Variants in NXN observed in about 807,000 individuals in gnomAD.
The protein encoded by NXN is nucleoredoxin 1.
In NXN, 16 loss-of-function variants were observed where a neutral mutation model predicts 48.6. The observed-to-expected ratio is 0.33, with a 90% confidence interval of 0.22 to 0.50. The LOEUF (loss-of-function observed/expected upper bound fraction) is 0.50, where lower values mean the gene tolerates loss of function less well. Among genes scored for constraint, NXN ranks in the 20% least tolerant of loss-of-function variants. NXN has a pLI of 0.98. For synonymous variants in NXN, 281 were observed against 269.6 expected (o/e 1.04, Z -0.41); for missense variants, 492 against 605.5 (o/e 0.81, Z 1.97).
At chr17:894,759 G>T (rs2068458048) in intron 1 of NXN, among the ~76,000 whole-genome samples, 1 of 152,220 alleles carries the variant, frequency 6.6e-6, no homozygotes, top group Non-Finnish European at 1.5e-5. Flanking sequence ...AGACATGACG[G>T]AGGCGCCCCA....
intron 1 of NXN, among the ~76,000 whole-genome samples, chr17:847,031 A>G (rs555939648): frequency 6.6e-6 from 1 of 152,260 alleles, no homozygotes; most frequent in South Asian, 2.1e-4. Context: ...ATGCTATTAT[A>G]AATTCCAAGT....
At chr17:951,174 TTAAAAAAAAAA>T (rs1302433516) in intron 1 of NXN, among the ~76,000 whole-genome samples, 5 of 67,532 alleles carry the variant, frequency 7.4e-5, no homozygotes, top group South Asian at 6.0e-4. Flanking sequence ...CTGTCTCTAC[TTAAAAAAAAAA>T]AAAAAAAAAA....
At chr17:889,568 C>G (rs1403545258) in intron 1 of NXN, among the ~76,000 whole-genome samples, 4 of 151,968 alleles carry the variant, frequency 2.6e-5, no homozygotes, top group Non-Finnish European at 5.9e-5. Context: ...GTGGCGTGTG[C>G]CTGTAATCCC....
intron 1 of NXN, among the ~76,000 whole-genome samples, chr17:839,816 G>GAAAAAAAAAAAAAAAAAAAAAAAAA: frequency 1.4e-5 from 1 of 70,288 alleles, no homozygotes; most frequent in African/African-American, 7.6e-5. Context: ...AAAAAAAAAG[G>GAAAAAAAAAAAAAAAAAAAAAAAAA]CCAGGCACGG....
intron 1 of NXN, among the ~76,000 whole-genome samples, chr17:846,413 C>CA (rs757262418): frequency 0.17 from 10,714 of 62,256 alleles, 642 homozygotes; most frequent in Admixed American, 0.32. Flanking sequence ...GAAATTGTCT[C>CA]AAAAAAAAAA....
At chr17:910,976 C>G (rs1161230569) in intron 1 of NXN, 1 of 152,148 alleles carries the variant, frequency 6.6e-6, no homozygotes, top group Non-Finnish European at 1.5e-5. Context: ...CCTTCCTGCT[C>G]TAGCTTATCT....
intron 1 of NXN, among the ~76,000 whole-genome samples, 185 bp downstream of exon 1, chr17:979,134 C>A (rs1215486677): frequency 5.1e-4 from 35 of 68,576 alleles, no homozygotes; most frequent in Admixed American, 3.3e-3. Context: ...GCGGGGACGG[C>A]GGGGTGGGGG....
chr17:927,333 G>A (rs763281296), intron 1 of NXN, among the ~76,000 whole-genome samples: 2 of 151,714 alleles, frequency 1.3e-5, no homozygotes, highest in Admixed American at 6.6e-5. Flanking sequence ...TTAGGACTGG[G>A]TGCTGTGGCT....
At chr17:875,326 C>A (rs2068202541) in intron 1 of NXN, among the ~76,000 whole-genome samples, 1 of 152,084 alleles carries the variant, frequency 6.6e-6, no homozygotes, top group Non-Finnish European at 1.5e-5. Context: ...GCCACCATGC[C>A]GGGTGCTATA....
At chr17:930,774 C>CTT (rs66910992) in intron 1 of NXN, among the ~76,000 whole-genome samples, 56 of 142,396 alleles carry the variant, frequency 3.9e-4, no homozygotes, top group East Asian at 3.0e-3. Context: ...GTTGAGTTTG[C>CTT]TTTTTTTTTT....
chr17:907,421 G>A (rs2068591398), intron 1 of NXN, among the ~76,000 whole-genome samples: 1 of 151,194 alleles, frequency 6.6e-6, no homozygotes, highest in Admixed American at 6.6e-5. Context: ...CTCACTGCAA[G>A]CTCCGCCTCC....
intron 1 of NXN, among the ~76,000 whole-genome samples, chr17:888,758 C>T (rs1234105747): frequency 6.6e-6 from 1 of 151,650 alleles, no homozygotes; most frequent in African/African-American, 2.4e-5. Flanking sequence ...AGTTCGAGAC[C>T]AGCCTGACCA....
intron 1 of NXN, among the ~76,000 whole-genome samples, chr17:907,138 C>T (rs1247845361): frequency 4.4e-5 from 5 of 113,840 alleles, no homozygotes; most frequent in African/African-American, 1.0e-4. Flanking sequence ...TTTGGGGGGG[C>T]GGGGGAGGGT....
rs536305304 is a variant in NXN, at chr17:946,403, G to A, written c.360+32916C>T. On this transcript the variant is annotated intron_variant, in intron 1 of 7. Coordinates refer to ENST00000336868, the MANE Select transcript of NXN (RefSeq NM_022463.5). ...AGGATGGTCTTGATCTCTTGACCTCGTGATCCGCCCGCCTAGGCCTCCCAA... is the reference window on the plus strand; with the variant it reads ...AGGATGGTCTTGATCTCTTGACCTCATGATCCGCCCGCCTAGGCCTCCCAA... Among the ~76,000 whole-genome samples, 1,004 of 152,214 alleles carry A rather than the reference G, an allele frequency of 6.6e-3. 6 individuals are homozygous for A. Among genetic ancestry groups the A allele is most frequent in the Middle Eastern group, 0.017 (5 of 294 alleles).
chr17:948,837 C>T (rs1167281470), intron 1 of NXN, among the ~76,000 whole-genome samples: 1 of 138,064 alleles, frequency 7.2e-6, no homozygotes, highest in African/African-American at 2.7e-5. Context: ...GCCTCCTCCT[C>T]TCCCCCCTGC....
At chr17:895,767 G>A (rs1045860546) in intron 1 of NXN, among the ~76,000 whole-genome samples, 19 of 37,274 alleles carry the variant, frequency 5.1e-4, no homozygotes, top group South Asian at 2.1e-3. Flanking sequence ...GCAGTGAGCC[G>A]AGATCGCACC....
intron 1 of NXN, chr17:910,952 C>T (rs924406274): frequency 6.6e-6 from 1 of 152,146 alleles, no homozygotes; most frequent in African/African-American, 2.4e-5. Flanking sequence ...AGACTCTGGA[C>T]TTTAAGGAAG....
intron 1 of NXN, among the ~76,000 whole-genome samples, chr17:899,563 C>T (rs1170185207): frequency 1.3e-5 from 2 of 152,188 alleles, no homozygotes; most frequent in Non-Finnish European, 1.5e-5. Context: ...AAGACTGATT[C>T]ACTCATGATT....
intron 5 of NXN, among the ~76,000 whole-genome samples, chr17:805,608 G>A (rs772414768): frequency 3.3e-5 from 5 of 152,158 alleles, no homozygotes; most frequent in Admixed American, 6.5e-5. Context: ...AGGCTGAGGT[G>A]GATGGATCAC....
Sources: allele counts gnomAD v4.1 joint callset (sites outside exome capture counted in the v4.1 genomes callset), GRCh38; gene constraint gnomAD v4.1.1; transcripts MANE v1.5; gene names NCBI Gene and HGNC (gene_info 2026-07-23, HGNC 2026-07-21).